Variants in STRN observed in about 807,000 individuals in gnomAD.
STRN encodes striatin, also known as protein phosphatase 2 regulatory subunit B'''alpha.
A neutral mutation model predicts 96.3 loss-of-function variants in STRN; 53 were observed. That is an observed-to-expected ratio of 0.55 (90% confidence interval 0.44 to 0.69). STRN has a LOEUF of 0.69. STRN is among the 30% of genes least tolerant of loss of function. The probability of loss-of-function intolerance (pLI) is 0.00; values close to 1 mark genes in which losing one functional copy is unlikely to be tolerated. For missense variants in STRN, 987 were observed against 963.9 expected, an observed-to-expected ratio of 1.02 and a Z score of -0.32; for synonymous variants, 428 against 355.9, an observed-to-expected ratio of 1.20 and a Z score of -2.28.
intron 6 of STRN, among the ~76,000 whole-genome samples, chr2:36,897,045 T>C (rs1254266007): frequency 6.6e-6 from 1 of 151,878 alleles, no homozygotes; most frequent in Non-Finnish European, 1.5e-5. Context: ...TGCATGCTTG[T>C]AATCCCAGCT....
intron 2 of STRN, among the ~76,000 whole-genome samples, chr2:36,924,171 A>G (rs950401153): frequency 2.8e-4 from 42 of 152,120 alleles, no homozygotes; most frequent in African/African-American, 8.2e-4. Context: ...CCTGGCTCAC[A>G]TGGTGAAACC....
At chr2:36,870,627 A>G (rs900160418) in intron 10 of STRN, among the ~76,000 whole-genome samples, 2 of 152,194 alleles carry the variant, frequency 1.3e-5, no homozygotes, top group Admixed American at 1.3e-4. Context: ...AAACAAACCT[A>G]TTTGTGCTGC....
At chr2:36,935,848 T>C (rs1670688087) in intron 1 of STRN, among the ~76,000 whole-genome samples, 1 of 152,208 alleles carries the variant, frequency 6.6e-6, no homozygotes, top group Non-Finnish European at 1.5e-5. Context: ...ATAATTACCA[T>C]AAACTAGAAA....
At chr2:36,946,265 T>C (rs1670982330) in intron 1 of STRN, among the ~76,000 whole-genome samples, 1 of 151,456 alleles carries the variant, frequency 6.6e-6, no homozygotes, top group African/African-American at 2.4e-5. Flanking sequence ...AACATCCAAA[T>C]ATGAGAAAGA....
intron 7 of STRN, among the ~76,000 whole-genome samples, chr2:36,893,061 C>T (rs183538857): frequency 1.0e-4 from 15 of 149,516 alleles, no homozygotes; most frequent in Admixed American, 6.0e-4. Context: ...GAGTGAGACT[C>T]GGTATGAAAA....
Position 36,851,028 on chromosome 2 carries a change from C to G in STRN, c.2058G>C (p.Arg686Ser). The part of the protein sequence containing the change: ...LPISITAHED[R>S]HIKFYDNNTG... Reference sequence around the variant, plus strand: ...TATTGTTATCATAGAATTTGATGTGCCTGTCTTCATGAGCAGTGATGCTGA... The same window carrying G: ...TATTGTTATCATAGAATTTGATGTGGCTGTCTTCATGAGCAGTGATGCTGA... Residue 686 changes from arginine (R) to serine (S), a missense_variant, in exon 16 of 18, where the codon AGG becomes AGC. By Grantham distance (110) the Arg-to-Ser change is moderately radical (BLOSUM62 -1). Coordinates refer to ENST00000263918, the MANE Select transcript of STRN (RefSeq NM_003162.4). 2 of 1,611,378 alleles carry G rather than the reference C, an allele frequency of 1.2e-6. No individual in the cohort carries two copies. Among genetic ancestry groups the G allele is most frequent in the Non-Finnish European group, 1.7e-6 (2 of 1,178,828 alleles).
rs1008189725 is a variant in STRN at position 36,840,098 on chromosome 2, A to G, written c.*9358T>C. The stretch of plus-strand genomic sequence containing the variant: ...CCCCAGAGGGATGCCTTTCCTGACA[A>G]GATTCCACTGGGAGGTTCGTCTTTC... On this transcript the variant is annotated 3_prime_UTR_variant, in exon 18 of 18. Coordinates refer to ENST00000263918, the MANE Select transcript of STRN (RefSeq NM_003162.4). The G allele has an allele frequency of 6.6e-6, 1 of 152,260 alleles. No homozygotes were observed. The highest frequency in any genetic ancestry group is 2.4e-5 in the African/African-American group (1 of 41,450). The allele number at this position is 152,260 out of a possible 1,614,324, so 9.4% of individuals were successfully genotyped here.
intron 1 of STRN, among the ~76,000 whole-genome samples, chr2:36,950,213 G>GTT (rs745506504): frequency 0.074 from 8,051 of 108,990 alleles, 690 homozygotes; most frequent in East Asian, 0.3. Flanking sequence ...GTTTGGTTTT[G>GTT]TTTTTTTTTT....
At chr2:36,867,569 C>G (rs1014619204) in intron 12 of STRN, 4 of 281,792 alleles carry the variant, frequency 1.4e-5, no homozygotes, top group African/African-American at 2.2e-5. Flanking sequence ...CTAGTTGGCT[C>G]TAGTTTAAAG....
intron 1 of STRN, among the ~76,000 whole-genome samples, chr2:36,956,381 A>G (rs764166846): frequency 7.9e-5 from 12 of 152,212 alleles, no homozygotes; most frequent in Non-Finnish European, 1.6e-4. Context: ...AAATTGTAAA[A>G]TGAAAGTGAT....
In STRN at chr2:36,843,543, A is replaced by G. The variant is rs150247825; in HGVS notation, c.*5913T>C. On this transcript the variant is annotated 3_prime_UTR_variant, in exon 18 of 18. Coordinates refer to ENST00000263918, the MANE Select transcript of STRN (RefSeq NM_003162.4). ...TACCACTGACCCAATCCTAGAAGCT[A>G]TTTTAATTTGGCTTTTCAGAGGCCC... The G allele has an allele frequency of 6.6e-6, 1 of 152,270 alleles. No homozygotes were observed. The highest frequency in any genetic ancestry group is 2.4e-5 in the African/African-American group (1 of 41,560). 9.4% of individuals were successfully genotyped at this position (152,270 alleles called of 1,614,324 possible).
intron 1 of STRN, among the ~76,000 whole-genome samples, chr2:36,943,574 G>A (rs1182674388): frequency 6.6e-6 from 1 of 152,070 alleles, no homozygotes; most frequent in East Asian, 1.9e-4. Flanking sequence ...GGAGGCTGAG[G>A]CGGGAGAATC....
At chr2:36,899,161 G>C (rs1669618792) in intron 6 of STRN, among the ~76,000 whole-genome samples, 1 of 152,116 alleles carries the variant, frequency 6.6e-6, no homozygotes, top group Admixed American at 6.5e-5. Context: ...GCATATATTA[G>C]AGCTGATGCT....
intron 1 of STRN, among the ~76,000 whole-genome samples, chr2:36,929,675 G>A (rs1385076243): frequency 1.3e-5 from 2 of 152,142 alleles, no homozygotes; most frequent in South Asian, 2.1e-4. Context: ...GAGCCACCAC[G>A]CCCAGCCTTA....
chr2:36,939,577 C>G (rs1195226146), intron 1 of STRN, among the ~76,000 whole-genome samples: 1 of 151,794 alleles, frequency 6.6e-6, no homozygotes, highest in African/African-American at 2.4e-5. Flanking sequence ...GTGACAGGGT[C>G]TCAGTATGCT....
chr2:36,883,367 G>T (rs552187437), intron 9 of STRN, among the ~76,000 whole-genome samples: 46 of 152,194 alleles, frequency 3.0e-4, no homozygotes, highest in Non-Finnish European at 6.0e-4. Flanking sequence ...TAAGGCAAGA[G>T]AATCACTTGA....
At chr2:36,888,427 C>T (rs952106067) in intron 7 of STRN, among the ~76,000 whole-genome samples, 7 of 152,136 alleles carry the variant, frequency 4.6e-5, no homozygotes, top group African/African-American at 1.7e-4. Flanking sequence ...TACATTCTCC[C>T]TAGAATCACT....
At chr2:36,880,276 A>T (rs1405136216) in intron 9 of STRN, among the ~76,000 whole-genome samples, 1 of 151,964 alleles carries the variant, frequency 6.6e-6, no homozygotes, top group African/African-American at 2.4e-5. Flanking sequence ...CCTCTACAAA[A>T]TTTTTTTTAA....
chr2:36,853,581 G>A (rs935313423), intron 15 of STRN, among the ~76,000 whole-genome samples: 2 of 152,214 alleles, frequency 1.3e-5, no homozygotes, highest in South Asian at 2.1e-4. Context: ...AGCTTGTGAC[G>A]TATCTGCTTC....
Sources: gnomAD v4.1 joint callset for allele counts (sites outside exome capture counted in the v4.1 genomes callset) on GRCh38, gnomAD v4.1.1 for gene constraint, MANE v1.5 for transcripts, NCBI Gene and HGNC (gene_info 2026-07-23, HGNC 2026-07-21) for gene names.